Variants in FARS2 observed in about 807,000 individuals in gnomAD.
FARS2 encodes phenylalanine--tRNA ligase, mitochondrial.
A neutral mutation model predicts 46.4 loss-of-function variants in FARS2; 40 were observed. That is an observed-to-expected ratio of 0.86 (90% CI 0.67 to 1.12). The LOEUF (loss-of-function observed/expected upper bound fraction) is 1.12, where lower values mean the gene tolerates loss of function less well. FARS2 is among the 50% of genes most tolerant of loss of function. FARS2 has a pLI of 0.00. For missense variants in FARS2, 513 were observed against 567.9 expected, an observed-to-expected ratio of 0.90 and a Z score of 0.98; for synonymous variants, 234 against 214.9, an observed-to-expected ratio of 1.09 and a Z score of -0.78.
At chr6:5,271,681 G>A (rs2127827535) in intron 1 of FARS2, among the ~76,000 whole-genome samples, 1 of 149,080 alleles carries the variant, frequency 6.7e-6, no homozygotes. Flanking sequence ...TTCTACCTCA[G>A]CCTCCCGAGT....
intron 1 of FARS2, among the ~76,000 whole-genome samples, chr6:5,280,874 T>C (rs1279119570): frequency 2.6e-5 from 4 of 152,190 alleles, no homozygotes; most frequent in East Asian, 3.8e-4. Flanking sequence ...TTAAGAAGTA[T>C]GTAGGGGTAG....
At chr6:5,313,903 C>T (rs1056710011) in intron 1 of FARS2, among the ~76,000 whole-genome samples, 1 of 152,186 alleles carries the variant, frequency 6.6e-6, no homozygotes, top group African/African-American at 2.4e-5. Context: ...TGGCTCCTCC[C>T]TACCTTCTGT....
intron 5 of FARS2, among the ~76,000 whole-genome samples, chr6:5,546,507 C>A (rs555809075): frequency 6.6e-6 from 1 of 151,720 alleles, no homozygotes; most frequent in South Asian, 2.1e-4. Context: ...GCCTTGGCCT[C>A]CCGAAGTGCT....
At chr6:5,418,219 T>A (rs1312261266) in intron 3 of FARS2, among the ~76,000 whole-genome samples, 1 of 152,252 alleles carries the variant, frequency 6.6e-6, no homozygotes, top group Non-Finnish European at 1.5e-5. Flanking sequence ...TACTTTGTAT[T>A]ATGTATTTTG....
At chr6:5,378,965 G>T (rs1759574172) in intron 2 of FARS2, among the ~76,000 whole-genome samples, 1 of 152,170 alleles carries the variant, frequency 6.6e-6, no homozygotes, top group Non-Finnish European at 1.5e-5. Flanking sequence ...CTGTGGCACA[G>T]GGCTTTTGCA....
chr6:5,346,910 G>GTTTTTTT (rs746722524), intron 1 of FARS2, among the ~76,000 whole-genome samples: 1 of 139,232 alleles, frequency 7.2e-6, no homozygotes. Context: ...CCATTCATTA[G>GTTTTTTT]GTTTTTTTTT....
intron 4 of FARS2, among the ~76,000 whole-genome samples, chr6:5,467,962 T>C (rs1765604219): frequency 6.6e-6 from 1 of 152,244 alleles, no homozygotes; most frequent in Non-Finnish European, 1.5e-5. Flanking sequence ...AAATAGAATA[T>C]ATATTGGTGC....
chr6:5,469,304 G>A (rs1765682315), intron 4 of FARS2, among the ~76,000 whole-genome samples: 1 of 152,176 alleles, frequency 6.6e-6, no homozygotes, highest in Non-Finnish European at 1.5e-5. Context: ...GACCCCACTC[G>A]GTTCTCACTA....
At chr6:5,691,746 G>A (rs1450569611) in intron 6 of FARS2, among the ~76,000 whole-genome samples, 2 of 152,336 alleles carry the variant, frequency 1.3e-5, no homozygotes, top group Non-Finnish European at 2.9e-5. Flanking sequence ...GTCTGCAGAG[G>A]TTTCTGCTGC....
intron 4 of FARS2, among the ~76,000 whole-genome samples, chr6:5,445,790 CAAGAAGGA>C (rs1477600548): frequency 1.3e-5 from 2 of 152,102 alleles, no homozygotes; most frequent in Non-Finnish European, 2.9e-5. Context: ...GATCCTGTCC[CAAGAAGGA>C]CACATGGGGA....
chr6:5,756,917 G>T (rs1762237170), intron 6 of FARS2, among the ~76,000 whole-genome samples: 1 of 152,104 alleles, frequency 6.6e-6, no homozygotes, highest in South Asian at 2.1e-4. Flanking sequence ...TCATTTATTT[G>T]CCCAGTAAAA....
intron 6 of FARS2, among the ~76,000 whole-genome samples, chr6:5,749,586 C>T (rs985689199): frequency 6.6e-6 from 1 of 152,222 alleles, no homozygotes; most frequent in African/African-American, 2.4e-5. Flanking sequence ...GCCTCAGACC[C>T]TGGCCCGTGC....
intron 2 of FARS2, among the ~76,000 whole-genome samples, chr6:5,399,483 GTAGA>G (rs1408877734): frequency 6.6e-6 from 1 of 151,938 alleles, no homozygotes; most frequent in Non-Finnish European, 1.5e-5. Flanking sequence ...AATGTTTTGC[GTAGA>G]TAAAGTATTA....
chr6:5,678,975 T>C (rs1778898379), intron 6 of FARS2, among the ~76,000 whole-genome samples: 1 of 152,178 alleles, frequency 6.6e-6, no homozygotes, highest in South Asian at 2.1e-4. Context: ...TGAATTAGGC[T>C]GCAGTCTTGT....
chr6:5,397,294 C>T (rs1381067577), intron 2 of FARS2, among the ~76,000 whole-genome samples: 1 of 152,042 alleles, frequency 6.6e-6, no homozygotes, highest in Non-Finnish European at 1.5e-5. Flanking sequence ...GGGGCCAGTG[C>T]GGAGACAGTG....
intron 4 of FARS2, among the ~76,000 whole-genome samples, chr6:5,454,725 G>A (rs1452100363): frequency 6.6e-6 from 1 of 152,116 alleles, no homozygotes; most frequent in African/African-American, 2.4e-5. Context: ...TCATTGCTCT[G>A]AGGGTAAAGG....
chr6:5,610,068 AC>A (rs1775083810), intron 5 of FARS2: 3 of 919,046 alleles, frequency 3.3e-6, no homozygotes, highest in Non-Finnish European at 5.3e-6. Flanking sequence ...TCTCATTACC[AC>A]ACAGTCCAGG....
chr6:5,547,471 T>C (rs1452881334), intron 5 of FARS2, among the ~76,000 whole-genome samples: 1 of 152,112 alleles, frequency 6.6e-6, no homozygotes. Flanking sequence ...TTCTGGCTGC[T>C]AAGGTGACTA....
chr6:5,642,869 A>G (rs1776891123), intron 6 of FARS2, among the ~76,000 whole-genome samples: 1 of 152,224 alleles, frequency 6.6e-6, no homozygotes, highest in Admixed American at 6.5e-5. Flanking sequence ...AAATCTCCAC[A>G]GACCATTTGA....
Sources: gnomAD v4.1 joint callset for allele counts (sites outside exome capture counted in the v4.1 genomes callset) on GRCh38, gnomAD v4.1.1 for gene constraint, MANE v1.5 for transcripts, NCBI Gene and HGNC (gene_info 2026-07-23, HGNC 2026-07-21) for gene names.